The following CSF2RA variants were observed in gnomAD, a reference collection of about 807,000 sequenced individuals.
CSF2RA encodes colony stimulating factor 2 receptor subunit alpha.
Under a neutral mutation model 51.6 loss-of-function variants are expected in CSF2RA, and 42 were observed. That is an observed-to-expected ratio of 0.81 (90% CI 0.64 to 1.05). The LOEUF (loss-of-function observed/expected upper bound fraction) is 1.05. CSF2RA is among the 50% of genes least tolerant of loss of function. The pLI is 0.00. For synonymous variants in CSF2RA, 222 were observed against 193.0 expected (o/e 1.15, Z -1.24); for missense variants, 530 against 501.1 (o/e 1.06, Z -0.55).
intron 12 of CSF2RA, among the ~76,000 whole-genome samples, chrX:1,307,319 T>C (rs28633381): frequency 0.96 from 145,872 of 152,088 alleles, 70,021 homozygotes; most frequent in Admixed American, 0.98. Context: ...TCCTTTACAC[T>C]TTCGGCTGAT....
intron 10 of CSF2RA, among the ~76,000 whole-genome samples, chrX:1,302,041 C>G (rs186708385): frequency 6.6e-6 from 1 of 151,272 alleles, no homozygotes. Flanking sequence ...CTCAGTCTCC[C>G]GAGTAGCTGG....
At position 1,294,453 on chromosome X, in the gene CSF2RA, C is replaced by CACAGAAAGGTCGGTGAG. The variant is rs377345813; in HGVS notation, c.774_780+10dup. 2.2e-3 allele frequency: 3,567 copies of CACAGAAAGGTCGGTGAG among 1,613,822 alleles called. 70 individuals are homozygous for CACAGAAAGGTCGGTGAG. The African/African-American group carries it at 0.041, about 18-fold the overall frequency. ...GGACTTTCAGTACCAGCTGGACGTC[C>CACAGAAAGGTCGGTGAG]ACAGAAAGGTCGGTGAGAGCTCCCC... On this transcript the variant is annotated frameshift_variant, in exon 8 of 13. Coordinates refer to ENST00000381529, the MANE Select transcript of CSF2RA (RefSeq NM_172245.4). LOFTEE classifies it high-confidence loss of function.
At chrX:1,277,118 T>TA (rs34538547) in intron 2 of CSF2RA, among the ~76,000 whole-genome samples, 32,206 of 151,320 alleles carry the variant, frequency 0.21, 4,094 homozygotes, top group East Asian at 0.3. Context: ...AAATAAAGCT[T>TA]ACGCAGTAGC....
chrX:1,309,579 T>A lies in CSF2RA; in HGVS notation c.*100T>A, dbSNP rs1374346185. ...GTGAACCTTTATATCATTTTCTATGTTTTTATTTAAAAACATGACATTTGG... is the reference window on the plus strand; with the variant it reads ...GTGAACCTTTATATCATTTTCTATGATTTTATTTAAAAACATGACATTTGG... On this transcript the variant is annotated 3_prime_UTR_variant, in exon 13 of 13. Transcript: ENST00000381529. The A allele has an allele frequency of 6.2e-7, 1 of 1,613,882 alleles. No individual in the cohort carries two copies.
Position 1,305,545 on chromosome X carries a change from G to A in CSF2RA, c.1125+18G>A. The stretch of plus-strand genomic sequence containing the variant: ...AAGACGAGGTAGGCAGGGGTGGGCG[G>A]AGCAGTGACCTGGGATGGAAGGTGG... On this transcript the variant is annotated intron_variant, in intron 12 of 12. Transcript: ENST00000381529. 6.2e-7 allele frequency: 1 copy of A among 1,613,992 alleles called. No individual in the cohort carries two copies. The highest frequency in any genetic ancestry group is 8.5e-7 in the Non-Finnish European group (1 of 1,179,868).
intron 12 of CSF2RA, among the ~76,000 whole-genome samples, chrX:1,308,580 C>T (rs1318936540): frequency 6.6e-6 from 1 of 152,106 alleles, no homozygotes; most frequent in Non-Finnish European, 1.5e-5. Flanking sequence ...CCAGTTGCAG[C>T]CCAGGGTTGC....
chrX:1,324,414 GAAAGAA>G, the CSF2RA span, among the ~76,000 whole-genome samples: 1 of 7,610 alleles, frequency 1.3e-4, no homozygotes, highest in African/African-American at 4.7e-4. Context: ...GAAAAGAAAG[GAAAGAA>G]AAAGAAAGAA....
rs763471121 is a variant in CSF2RA, at chrX:1,282,715, G to C, written c.12G>C (p.Leu4=). MLL[L]VTSLLLCELP... is the part of the protein sequence containing the mutation. ...CTCTGACCAGCACCATGCTTCTCCT[G>C]GTGACAAGCCTTCTGCTCTGTGAGT... Residue 4 remains leucine, a synonymous_variant, in exon 3 of 13, where the codon CTG becomes CTC. Coordinates refer to ENST00000381529, the MANE Select transcript of CSF2RA (RefSeq NM_172245.4). The C allele has an allele frequency of 6.8e-6, 11 of 1,613,406 alleles. No homozygotes were observed. In the Admixed American group the frequency reaches 1.8e-4, roughly 27 times the overall value.
chrX:1,295,571 C>G (rs58223116), intron 9 of CSF2RA, 115 bp downstream of exon 9: 1 of 627,476 alleles, frequency 1.6e-6, no homozygotes, highest in African/African-American at 3.5e-5. Flanking sequence ...AGTCCCCTAC[C>G]GACGACCTCC....
At chrX:1,316,070 A>C in the CSF2RA span, among the ~76,000 whole-genome samples, 1 of 152,016 alleles carries the variant, frequency 6.6e-6, no homozygotes, top group African/African-American at 2.4e-5. Context: ...ATAGATAGAT[A>C]GATAGATAGA....
At chrX:1,276,783 G>A (rs2148096502) in intron 2 of CSF2RA, among the ~76,000 whole-genome samples, 1 of 152,186 alleles carries the variant, frequency 6.6e-6, no homozygotes, top group South Asian at 2.1e-4. Flanking sequence ...GTCTGGGGAG[G>A]CATATCCTGG....
chrX:1,287,586 GGT>G (rs2090885410), intron 4 of CSF2RA, among the ~76,000 whole-genome samples: 1 of 148,748 alleles, frequency 6.7e-6, no homozygotes, highest in Non-Finnish European at 1.5e-5. Flanking sequence ...TGGGATTACA[GGT>G]GCCCACCACC....
At chrX:1,288,261 CACCTGA>C in intron 4 of CSF2RA, among the ~76,000 whole-genome samples, 1 of 149,258 alleles carries the variant, frequency 6.7e-6, no homozygotes, top group Non-Finnish European at 1.5e-5. Context: ...GCGGGTGGAT[CACCTGA>C]GGTCAGGAGT....
chrX:1,322,239 G>A, the CSF2RA span, among the ~76,000 whole-genome samples: 33,549 of 150,130 alleles, frequency 0.22, 4,108 homozygotes, highest in Non-Finnish European at 0.27. Flanking sequence ...CCGAGTAGCT[G>A]GGACGACAGG....
intron 8 of CSF2RA, among the ~76,000 whole-genome samples, chrX:1,295,156 C>G (rs1185023743): frequency 1.5e-5 from 1 of 65,612 alleles, no homozygotes; most frequent in African/African-American, 6.1e-5. Flanking sequence ...CCATGTCTAC[C>G]TGGACGACAG....
At chrX:1,321,378 T>A in the CSF2RA span, among the ~76,000 whole-genome samples, 12,011 of 151,128 alleles carry the variant, frequency 0.079, 548 homozygotes, top group East Asian at 0.23. Flanking sequence ...CTGAGGCAGG[T>A]GAATGGCGTG....
chrX:1,287,818 C>T lies in CSF2RA; in HGVS notation c.220-701C>T, dbSNP rs1452730916. 3.6e-5 allele frequency among the ~76,000 whole-genome samples: 5 copies of T among 139,130 alleles called. 1 individual carries two copies. In the South Asian group the frequency reaches 1.2e-3, roughly 32 times the overall value. 91.3% of individuals were successfully genotyped at this position (139,130 alleles called of 152,430 possible). A position where few individuals can be genotyped will look rare whatever the true frequency, so the allele number is the denominator to read the frequency against. Reference sequence around the variant, plus strand: ...CTGGCGTGATCTCAGCTCACTGCAACCTGTGCCTCCTGGGTTCAAGAGAGT... The same window carrying T: ...CTGGCGTGATCTCAGCTCACTGCAATCTGTGCCTCCTGGGTTCAAGAGAGT... On this transcript the variant is annotated intron_variant, in intron 4 of 12. Transcript: ENST00000381529.
chrX:1,325,089 C>T, the CSF2RA span, among the ~76,000 whole-genome samples: 3 of 151,264 alleles, frequency 2.0e-5, no homozygotes, highest in African/African-American at 7.3e-5. Context: ...TACTTTGCGC[C>T]GTGGCTCACG....
chrX:1,314,697 CCCCACTGTGCCTGCCCAAT>C (rs1293163254), downstream of CSF2RA, among the ~76,000 whole-genome samples: 1 of 1,118 alleles, frequency 8.9e-4, no homozygotes, highest in Non-Finnish European at 3.2e-3. Flanking sequence ...GCCTGCCCAA[CCCCACTGTGCCTGCCCAAT>C]CGCACTGCAC....
Sources: gnomAD v4.1 joint callset for allele counts (sites outside exome capture counted in the v4.1 genomes callset) on GRCh38, gnomAD v4.1.1 for gene constraint, MANE v1.5 for transcripts, NCBI Gene and HGNC (gene_info 2026-07-23, HGNC 2026-07-21) for gene names.